The following LRBA variants were observed in gnomAD, a reference collection of about 807,000 sequenced individuals.
LRBA encodes the protein LPS responsive beige-like anchor protein, also known as lipopolysaccharide-responsive and beige-like anchor protein.
A neutral mutation model predicts 330.0 loss-of-function variants in LRBA; 176 were observed. That is an observed-to-expected ratio of 0.53 (90% CI 0.47 to 0.60). The LOEUF (loss-of-function observed/expected upper bound fraction) is 0.60. Ranked by LOEUF, LRBA falls within the 20% of genes least tolerant of loss-of-function variation. The pLI, the probability that LRBA is intolerant of heterozygous loss-of-function variation, is 0.00. For missense variants in LRBA, 3,259 were observed against 3,444.8 expected, an observed-to-expected ratio of 0.95 and a Z score of 1.35; for synonymous variants, 1,230 against 1,193.0, an observed-to-expected ratio of 1.03 and a Z score of -0.64.
At chr4:150,619,834 A>T (rs1776128905) in intron 37 of LRBA, among the ~76,000 whole-genome samples, 1 of 152,112 alleles carries the variant, frequency 6.6e-6, no homozygotes, top group Non-Finnish European at 1.5e-5. Context: ...TCTTTCATAG[A>T]TCTAAAATGA....
chr4:150,999,218 C>G (rs1237469692), intron 2 of LRBA, among the ~76,000 whole-genome samples: 1 of 151,994 alleles, frequency 6.6e-6, no homozygotes, highest in African/African-American at 2.4e-5. Flanking sequence ...GAAGCTAGTA[C>G]TAGGGGGCTT....
chr4:150,640,804 A>G (rs575775895), intron 37 of LRBA, among the ~76,000 whole-genome samples: 1 of 152,302 alleles, frequency 6.6e-6, no homozygotes, highest in African/African-American at 2.4e-5. Flanking sequence ...AAAAAAAATT[A>G]TTATCCAGGA....
Position 150,436,752 on chromosome 4 carries a change from C to T in LRBA, c.6893G>A (p.Ser2298Asn). 1.2e-6 allele frequency: 2 copies of T among 1,612,886 alleles called. No homozygotes were observed. The highest frequency in any genetic ancestry group is 1.7e-6 in the Non-Finnish European group (2 of 1,179,348). ...TCTTAGCAGCCATGCAAGAACAAAA[C>T]TTGCAGTTGAGTAATGAGTACCATA... ...FHYGTHYSTA[S>N]FVLAWLLRIE... is the part of the protein sequence containing the mutation. The change falls in exon 45 of 57, where the codon AGT becomes AAT. Residue 2298 changes from serine to asparagine, a missense_variant. Ser to Asn is a conservative substitution (Grantham distance 46, BLOSUM62 1). Transcript: ENST00000651943.
chr4:150,454,985 T>A (rs13116424), intron 44 of LRBA, among the ~76,000 whole-genome samples: 120 of 151,222 alleles, frequency 7.9e-4, no homozygotes, highest in African/African-American at 2.6e-3. Context: ...TTTTATTTTT[T>A]TTATTATAGT....
intron 34 of LRBA, among the ~76,000 whole-genome samples, chr4:150,787,978 T>C (rs987584521): frequency 6.6e-6 from 1 of 152,266 alleles, no homozygotes; most frequent in South Asian, 2.1e-4. Flanking sequence ...TGCTGGATCA[T>C]ATGGTAGCTG....
chr4:150,267,695 A>G (rs1560936668), intron 56 of LRBA, among the ~76,000 whole-genome samples: 1 of 152,192 alleles, frequency 6.6e-6, no homozygotes, highest in Non-Finnish European at 1.5e-5. Context: ...AAATAGTAAA[A>G]TGATTGATAG....
chr4:150,635,164 T>C (rs80072126), intron 37 of LRBA, among the ~76,000 whole-genome samples: 3,356 of 152,298 alleles, frequency 0.022, 61 homozygotes, highest in Non-Finnish European at 0.033. Flanking sequence ...ACAGCTTCTC[T>C]ACTTTTCCTT....
chr4:150,698,979 T>C (rs953097602), intron 36 of LRBA, among the ~76,000 whole-genome samples: 2 of 152,158 alleles, frequency 1.3e-5, no homozygotes, highest in Non-Finnish European at 2.9e-5. Context: ...ATATTATTAC[T>C]GCATAGTCCA....
At chr4:150,951,695 T>C (rs1736854443) in intron 2 of LRBA, among the ~76,000 whole-genome samples, 1 of 152,158 alleles carries the variant, frequency 6.6e-6, no homozygotes, top group Non-Finnish European at 1.5e-5. Context: ...CATATATAAA[T>C]CCTTGTAAAT....
chr4:150,911,237 A>G (rs986252189), intron 9 of LRBA, among the ~76,000 whole-genome samples: 1 of 152,218 alleles, frequency 6.6e-6, no homozygotes, highest in African/African-American at 2.4e-5. Flanking sequence ...AGAAATGGAA[A>G]GAATAAGCAT....
chr4:150,869,646 C>A (rs1359980706), intron 20 of LRBA, among the ~76,000 whole-genome samples: 2 of 152,104 alleles, frequency 1.3e-5, no homozygotes. Context: ...GAGATCCTGG[C>A]ACTCTACTCT....
chr4:150,475,139 TA>T (rs1401716267), intron 42 of LRBA, among the ~76,000 whole-genome samples: 1 of 152,214 alleles, frequency 6.6e-6, no homozygotes, highest in Non-Finnish European at 1.5e-5. Flanking sequence ...ATGAACATTT[TA>T]TAAATCCTTT....
At chr4:150,429,722 C>T (rs1750124958) in intron 46 of LRBA, among the ~76,000 whole-genome samples, 1 of 152,040 alleles carries the variant, frequency 6.6e-6, no homozygotes. Flanking sequence ...TCTGTAAAGT[C>T]ATTTGCAATC....
intron 47 of LRBA, among the ~76,000 whole-genome samples, chr4:150,363,460 T>C (rs1347712949): frequency 1.3e-5 from 2 of 152,244 alleles, no homozygotes; most frequent in Non-Finnish European, 2.9e-5. Context: ...TCATGGTATA[T>C]ATACAAGTAT....
intron 35 of LRBA, among the ~76,000 whole-genome samples, chr4:150,748,711 T>C (rs780867620): frequency 2.0e-5 from 3 of 151,892 alleles, no homozygotes; most frequent in Admixed American, 6.5e-5. Context: ...CTTGTTGATA[T>C]GGTTTGAATA....
chr4:150,367,104 T>C (rs913983546), intron 47 of LRBA, among the ~76,000 whole-genome samples: 1 of 152,194 alleles, frequency 6.6e-6, no homozygotes, highest in Non-Finnish European at 1.5e-5. Flanking sequence ...TACTAAAAAT[T>C]TTATTTATAG....
chr4:150,953,816 G>A (rs997325461), intron 2 of LRBA, among the ~76,000 whole-genome samples: 1 of 151,660 alleles, frequency 6.6e-6, no homozygotes, highest in Non-Finnish European at 1.5e-5. Flanking sequence ...TCTCTGCCCG[G>A]CCGCCCATCA....
At chr4:150,916,552 C>G (rs780826909) in intron 6 of LRBA, 25 bp from the exon 7 acceptor site, 1 of 1,609,258 alleles carries the variant, frequency 6.2e-7, no homozygotes, top group Admixed American at 1.7e-5. Flanking sequence ...TTTCATTTTA[C>G]CTCTAAATAT....
intron 31 of LRBA, among the ~76,000 whole-genome samples, chr4:150,809,299 A>G (rs1347458049): frequency 1.3e-5 from 2 of 152,182 alleles, no homozygotes; most frequent in Non-Finnish European, 2.9e-5. Context: ...GCATCTTAAC[A>G]CTTGGTGTCC....
Sources: gnomAD v4.1 joint callset for allele counts (sites outside exome capture counted in the v4.1 genomes callset) on GRCh38, gnomAD v4.1.1 for gene constraint, MANE v1.5 for transcripts, NCBI Gene and HGNC (gene_info 2026-07-23, HGNC 2026-07-21) for gene names.